SPON1: variants seen among roughly 807,000 people sequenced by gnomAD.
SPON1 encodes the protein spondin-1.
SPON1 carries 52 observed loss-of-function variants against 111.7 expected under a neutral mutation model. That is an observed-to-expected ratio of 0.47 (90% confidence interval 0.37 to 0.59). The LOEUF is 0.59. SPON1 is among the 20% of genes least tolerant of loss of function. The pLI is 0.00. For synonymous variants in SPON1, 410 were observed against 395.8 expected (o/e 1.04, Z -0.43); for missense variants, 957 against 1,068.5 (o/e 0.90, Z 1.46).
chr11:14,257,689 G>GTTTGACAT (rs1564943089), intron 10 of SPON1, 27 bp from the exon 11 acceptor site: 2 of 1,573,686 alleles, frequency 1.3e-6, no homozygotes, highest in South Asian at 2.3e-5. Context: ...AGGTTCCCAG[G>GTTTGACAT]GAAAACATGT....
chr11:14,188,301 A>G (rs1168355553), intron 6 of SPON1, among the ~76,000 whole-genome samples: 1 of 152,206 alleles, frequency 6.6e-6, no homozygotes, highest in East Asian at 1.9e-4. Context: ...TGAGGATAAC[A>G]TGATCAAATG....
intron 4 of SPON1, among the ~76,000 whole-genome samples, chr11:14,076,025 A>G (rs970619965): frequency 2.2e-4 from 33 of 152,220 alleles, no homozygotes; most frequent in African/African-American, 7.5e-4. Context: ...GATCAGGCCC[A>G]GGTTCGGATC....
rs1848763408 is a variant in SPON1 at position 14,228,450 on chromosome 11, C to T, written c.826-14882C>T. 6.6e-6 allele frequency among the ~76,000 whole-genome samples: 1 copy of T among 152,200 alleles called. No individual in the cohort carries two copies. The highest frequency in any genetic ancestry group is 6.5e-5 in the Admixed American group (1 of 15,272). On this transcript the variant is annotated intron_variant, in intron 6 of 15. Coordinates refer to ENST00000576479, the MANE Select transcript of SPON1 (RefSeq NM_006108.4). This position sits in a 1 kb window ranked among gnomAD's most constrained non-coding sequence, Gnocchi z 4.2. ...AGCTGTGGGAGGCAGGGGAAGGAAGCAGGATGTGCAGAGGGAGAAGTTGAG... is the reference window on the plus strand; with the variant it reads ...AGCTGTGGGAGGCAGGGGAAGGAAGTAGGATGTGCAGAGGGAGAAGTTGAG...
intron 2 of SPON1, among the ~76,000 whole-genome samples, chr11:13,984,365 A>G (rs1237268807): frequency 6.6e-6 from 1 of 152,206 alleles, no homozygotes; most frequent in African/African-American, 2.4e-5. Context: ...TAGATAATGT[A>G]TAAACAATAG....
chr11:14,064,870 G>T (rs1554920220), intron 3 of SPON1, among the ~76,000 whole-genome samples: 3 of 152,136 alleles, frequency 2.0e-5, no homozygotes, highest in Non-Finnish European at 1.5e-5. Flanking sequence ...TTAGGGTGAG[G>T]TAGAGGGGAG....
intron 3 of SPON1, among the ~76,000 whole-genome samples, chr11:14,059,248 G>T (rs1848770600): frequency 1.3e-5 from 2 of 152,142 alleles, no homozygotes; most frequent in South Asian, 2.1e-4. Flanking sequence ...GGAAACAAAG[G>T]GTCAAATCAA....
chr11:14,174,400 C>T (rs573592430), intron 6 of SPON1, among the ~76,000 whole-genome samples: 19 of 152,272 alleles, frequency 1.2e-4, no homozygotes, highest in South Asian at 8.3e-4. Flanking sequence ...AGTGTATTTC[C>T]TACCTAGTTA....
chr11:14,154,517 G>C (rs1847820640), intron 6 of SPON1, among the ~76,000 whole-genome samples: 1 of 152,226 alleles, frequency 6.6e-6, no homozygotes, highest in Non-Finnish European at 1.5e-5. Flanking sequence ...GGCTGCACAA[G>C]GCAGTGGGAC....
At chr11:14,019,043 G>A (rs1225226078) in intron 2 of SPON1, among the ~76,000 whole-genome samples, 1 of 152,218 alleles carries the variant, frequency 6.6e-6, no homozygotes, top group Non-Finnish European at 1.5e-5. Flanking sequence ...AGAGTCCCAA[G>A]TTTCTGCCTT....
At chr11:14,151,652 A>G (rs1404046261) in intron 6 of SPON1, among the ~76,000 whole-genome samples, 4 of 152,200 alleles carry the variant, frequency 2.6e-5, no homozygotes, top group African/African-American at 9.6e-5. Flanking sequence ...TTTTTGTCTC[A>G]GAGAAGGAAA....
At chr11:14,246,525 A>G (rs782666076) in intron 7 of SPON1, among the ~76,000 whole-genome samples, 1 of 152,210 alleles carries the variant, frequency 6.6e-6, no homozygotes, top group Non-Finnish European at 1.5e-5. Context: ...TAATCAAGAC[A>G]TATATACCTG....
chr11:13,981,937 A>G (rs1848147572), intron 1 of SPON1, among the ~76,000 whole-genome samples: 3 of 152,190 alleles, frequency 2.0e-5, no homozygotes, highest in African/African-American at 4.8e-5. Context: ...AAGCTTGTAC[A>G]GGTCAGGCTT....
In SPON1 at chr11:14,211,969, A is replaced by G. The variant is rs1217394366; in HGVS notation, c.826-31363A>G. ...AAAAAAAAGCTTTTAATCTTAATCC[A>G]TTATTGATTCATTATTTAAAATAGG... On this transcript the variant is annotated intron_variant, in intron 6 of 15. Transcript: ENST00000576479. 2.0e-5 allele frequency among the ~76,000 whole-genome samples: 3 copies of G among 152,120 alleles called. 1 individual carries two copies. The highest frequency in any genetic ancestry group is 2.0e-4 in the Admixed American group (3 of 15,254).
intron 2 of SPON1, among the ~76,000 whole-genome samples, chr11:13,996,377 G>A (rs1189583892): frequency 6.6e-6 from 1 of 152,216 alleles, no homozygotes; most frequent in East Asian, 1.9e-4. Flanking sequence ...AGCACAAGAA[G>A]CAATGTGCAC....
intron 6 of SPON1, among the ~76,000 whole-genome samples, chr11:14,241,832 A>C (rs1019282512): frequency 2.6e-5 from 4 of 152,202 alleles, no homozygotes; most frequent in Non-Finnish European, 5.9e-5. Flanking sequence ...GAGAAATGTA[A>C]CTGCTCTGTT....
chr11:14,146,025 T>C (rs973593956), intron 6 of SPON1, among the ~76,000 whole-genome samples: 3 of 152,110 alleles, frequency 2.0e-5, no homozygotes, highest in Non-Finnish European at 2.9e-5. Context: ...TCTATGAACA[T>C]ACACCAGAAA....
At chr11:14,001,076 G>A (rs1848313767) in intron 2 of SPON1, among the ~76,000 whole-genome samples, 1 of 152,146 alleles carries the variant, frequency 6.6e-6, no homozygotes, top group Admixed American at 6.5e-5. Flanking sequence ...TCAGAGAACT[G>A]AGGTCATGAG....
chr11:14,089,948 C>T (rs1219105007), intron 5 of SPON1, among the ~76,000 whole-genome samples: 2 of 152,120 alleles, frequency 1.3e-5, no homozygotes, highest in African/African-American at 4.8e-5. Context: ...TTAGCACTGT[C>T]GGGGAAAACT....
At chr11:14,209,409 C>G (rs1261322023) in intron 6 of SPON1, among the ~76,000 whole-genome samples, 2 of 152,172 alleles carry the variant, frequency 1.3e-5, no homozygotes, top group African/African-American at 4.8e-5. Flanking sequence ...TATCCCTCCC[C>G]TAGCCCCCCA....
Sources: allele counts gnomAD v4.1 joint callset (sites outside exome capture counted in the v4.1 genomes callset), GRCh38; gene constraint gnomAD v4.1.1; non-coding constraint Gnocchi (gnomAD v3.1); transcripts MANE v1.5; gene names NCBI Gene and HGNC (gene_info 2026-07-23, HGNC 2026-07-21).